TACC1: variants seen among roughly 807,000 people sequenced by gnomAD.
The protein encoded by TACC1 is transforming acidic coiled-coil-containing protein 1.
A neutral mutation model predicts 84.4 loss-of-function variants in TACC1; 48 were observed. The ratio of observed to expected loss-of-function variants is 0.57; its 90% CI spans 0.45 to 0.72. The LOEUF (loss-of-function observed/expected upper bound fraction) is 0.72, where lower values mean the gene tolerates loss of function less well. Among genes scored for constraint, TACC1 ranks in the 30% least tolerant of loss-of-function variants. The pLI is 0.00. For synonymous variants in TACC1, 372 were observed against 376.3 expected (o/e 0.99, Z 0.13); for missense variants, 920 against 973.0 (o/e 0.95, Z 0.72).
intron 4 of TACC1, among the ~76,000 whole-genome samples, chr8:38,825,885 C>A (rs1023922449): frequency 6.6e-6 from 1 of 152,148 alleles, no homozygotes; most frequent in African/African-American, 2.4e-5. Flanking sequence ...CTTTCTGTTT[C>A]ATCTATTGTT....
intron 3 of TACC1, among the ~76,000 whole-genome samples, chr8:38,753,905 T>TTTC (rs1809481870): frequency 8.0e-6 from 1 of 124,516 alleles, no homozygotes; most frequent in African/African-American, 3.0e-5. Flanking sequence ...CTCTTTTTCT[T>TTTC]TTTCTTTCTT....
At chr8:38,826,368 G>A (rs922063072) in intron 4 of TACC1, among the ~76,000 whole-genome samples, 2 of 152,154 alleles carry the variant, frequency 1.3e-5, no homozygotes, top group Non-Finnish European at 2.9e-5. Flanking sequence ...TTAGTGCACT[G>A]TAAAAGTTTT....
chr8:38,808,118 G>A lies in TACC1; in HGVS notation c.278-11404G>A, dbSNP rs1473540281. ...AATCTCTGTCTGTATTCACCAAGCC[G>A]CCAGGCAATGCTGTGCTTGTCAGAA... On this transcript the variant is annotated intron_variant, in intron 2 of 12. Coordinates refer to ENST00000317827, the MANE Select transcript of TACC1 (RefSeq NM_006283.3). Among the ~76,000 whole-genome samples the A allele has an allele frequency of 2.6e-5, 4 of 152,296 alleles. No homozygotes were observed. The South Asian group carries it at 6.2e-4, about 24-fold the overall frequency.
intron 2 of TACC1, among the ~76,000 whole-genome samples, chr8:38,789,363 G>A (rs1026121822): frequency 5.9e-5 from 9 of 152,096 alleles, no homozygotes; most frequent in African/African-American, 1.4e-4. Context: ...AGGAGCTTCC[G>A]TTGTCTCACT....
At chr8:38,767,642 T>C (rs187810775) in intron 3 of TACC1, among the ~76,000 whole-genome samples, 173 of 152,372 alleles carry the variant, frequency 1.1e-3, no homozygotes, top group African/African-American at 3.9e-3. Context: ...CCAGCCACCA[T>C]CCACTAAGTT....
upstream of TACC1, chr8:38,787,177 C>T (rs1587670651): frequency 2.0e-6 from 2 of 985,430 alleles, no homozygotes; most frequent in Non-Finnish European, 2.4e-6. Context: ...TCCGAGGGGG[C>T]GGCTTCTGGG....
At chr8:38,828,379 C>T (rs1347864124) in intron 5 of TACC1, among the ~76,000 whole-genome samples, 1 of 152,096 alleles carries the variant, frequency 6.6e-6, no homozygotes, top group Non-Finnish European at 1.5e-5. Flanking sequence ...AACAAAAGAT[C>T]AACAAGAGAA....
intron 3 of TACC1, among the ~76,000 whole-genome samples, chr8:38,756,930 C>T (rs1228711619): frequency 6.6e-6 from 1 of 152,228 alleles, no homozygotes; most frequent in Admixed American, 6.5e-5. Flanking sequence ...CTTCCAGCCC[C>T]GGACCCAGCG....
At chr8:38,762,537 G>A (rs1291389388) in intron 3 of TACC1, among the ~76,000 whole-genome samples, 1 of 151,634 alleles carries the variant, frequency 6.6e-6, no homozygotes, top group African/African-American at 2.4e-5. Context: ...TACTTGAGTT[G>A]TCTCCACCTT....
At position 38,842,439 on chromosome 8, in the gene TACC1, T is replaced by C; in HGVS notation, c.2113T>C (p.Phe705Leu). Residue 705 changes from phenylalanine to leucine, a missense_variant, in exon 10 of 13, where the codon TTC (phenylalanine) becomes CTC (leucine). Phe to Leu is a conservative substitution (Grantham distance 22). Around this residue, in one of 2 missense-constraint regions of TACC1, gnomAD observed 158 missense variants for 225.6 expected, o/e 0.70. Transcript: ENST00000317827. ...YENLKGVLEG[F>L]KKNEEALKKC... The stretch of plus-strand genomic sequence containing the variant: ...GAACCTGAAAGGTGTTCTGGAAGGG[T>C]TCAAGAAGGTAGAGTGTTTTTTCCC... 3 of 1,606,838 alleles carry C rather than the reference T, an allele frequency of 1.9e-6. No homozygotes were observed. The highest frequency in any genetic ancestry group is 2.5e-6 in the Non-Finnish European group (3 of 1,177,740).
intron 1 of TACC1, among the ~76,000 whole-genome samples, chr8:38,737,791 G>A (rs1186273855): frequency 1.3e-5 from 2 of 151,024 alleles, no homozygotes; most frequent in East Asian, 1.9e-4. Flanking sequence ...GCAATGGTGC[G>A]ATCTCGGCTC....
intron 2 of TACC1, among the ~76,000 whole-genome samples, chr8:38,795,298 G>A (rs1381349390): frequency 1.3e-5 from 2 of 152,188 alleles, no homozygotes; most frequent in East Asian, 1.9e-4. Flanking sequence ...CCTGCAGAAA[G>A]GAAAGATTTT....
At chr8:38,776,726 T>G (rs1029515065) in intron 3 of TACC1, among the ~76,000 whole-genome samples, 1 of 152,222 alleles carries the variant, frequency 6.6e-6, no homozygotes, top group African/African-American at 2.4e-5. Context: ...TTTAGATTGT[T>G]GGATTAGGGA....
At chr8:38,768,363 G>T (rs1212247691) in intron 3 of TACC1, among the ~76,000 whole-genome samples, 1 of 152,188 alleles carries the variant, frequency 6.6e-6, no homozygotes, top group East Asian at 1.9e-4. Context: ...TGCATTGGAT[G>T]CAGAGGGGAC....
chr8:38,836,110 G>A, intron 6 of TACC1, 52 bp from the exon 7 acceptor site: 1 of 1,602,290 alleles, frequency 6.2e-7, no homozygotes, highest in South Asian at 1.1e-5. Flanking sequence ...AAGGATGTCT[G>A]GGGTTAAGAA....
chr8:38,810,303 T>C (rs1823777629), intron 2 of TACC1, among the ~76,000 whole-genome samples: 1 of 152,196 alleles, frequency 6.6e-6, no homozygotes, highest in Admixed American at 6.5e-5. Flanking sequence ...GTAAACTTTT[T>C]TTTAAATAAA....
chr8:38,818,492 T>C (rs1563748944), intron 2 of TACC1, among the ~76,000 whole-genome samples: 1 of 152,226 alleles, frequency 6.6e-6, no homozygotes, highest in East Asian at 1.9e-4. Context: ...AAGACCACAA[T>C]TAAAAAGGAT....
At chr8:38,806,627 G>A (rs1410314054) in intron 2 of TACC1, among the ~76,000 whole-genome samples, 1 of 152,044 alleles carries the variant, frequency 6.6e-6, no homozygotes, top group Non-Finnish European at 1.5e-5. Flanking sequence ...AGGGGACTTG[G>A]TTTTGGGTAA....
At chr8:38,730,619 G>A (rs1402688346) in intron 1 of TACC1, among the ~76,000 whole-genome samples, 1 of 152,226 alleles carries the variant, frequency 6.6e-6, no homozygotes, top group African/African-American at 2.4e-5. Context: ...AGGGCACCCT[G>A]CCACTTAGTG....
Sources: gnomAD v4.1 joint callset for allele counts (sites outside exome capture counted in the v4.1 genomes callset) on GRCh38, gnomAD v4.1.1 for gene constraint, gnomAD v4.1.1 regional missense constraint, MANE v1.5 for transcripts, NCBI Gene and HGNC (gene_info 2026-07-23, HGNC 2026-07-21) for gene names.